Variants in MAPK8 observed in about 807,000 individuals in gnomAD.
MAPK8 encodes mitogen-activated protein kinase 8.
A neutral mutation model predicts 52.9 loss-of-function variants in MAPK8; 13 were observed. The ratio of observed to expected loss-of-function variants is 0.25; its 90% CI spans 0.16 to 0.39. The LOEUF is 0.39. MAPK8 is among the 10% of genes least tolerant of loss of function. The pLI, the probability that MAPK8 is intolerant of heterozygous loss-of-function variation, is 1.00. For missense variants in MAPK8, 300 were observed against 519.2 expected (o/e 0.58, Z 4.10); for synonymous variants, 191 against 169.8 (o/e 1.12, Z -0.97).
At chr10:48,426,323 A>G (rs1391644763) in intron 8 of MAPK8, 57 bp from the exon 9 acceptor site, 4 of 1,462,308 alleles carry the variant, frequency 2.7e-6, no homozygotes, top group Admixed American at 2.5e-5. Context: ...GCTGAAAGTT[A>G]TTAATAATTT....
At chr10:48,370,555 G>A (rs550445293) in intron 1 of MAPK8, among the ~76,000 whole-genome samples, 25 of 152,130 alleles carry the variant, frequency 1.6e-4, no homozygotes, top group Non-Finnish European at 3.5e-4. Context: ...GTTGTTAAAG[G>A]CCTAGAGGTC....
chr10:48,348,744 A>G (rs538261942), intron 1 of MAPK8, among the ~76,000 whole-genome samples: 65 of 152,170 alleles, frequency 4.3e-4, no homozygotes, highest in African/African-American at 1.5e-3. Flanking sequence ...CCATTGGTCT[A>G]TATATCTGTT....
In MAPK8 at chr10:48,428,739, AC is replaced by A. The variant is rs1185451798; in HGVS notation, c.1060+1598del. ...GTACTGAGTATGTATGAAAACATTA[AC>A]CTAATATTTTTACATCCTACTAATT... On this transcript the variant is annotated intron_variant, in intron 10 of 11. Coordinates refer to ENST00000374189, the MANE Select transcript of MAPK8 (RefSeq NM_001323329.2). Among the ~76,000 whole-genome samples the A allele has an allele frequency of 3.9e-5, 6 of 152,354 alleles. No individual in the cohort carries two copies. In the East Asian group the frequency reaches 1.2e-3, roughly 29 times the overall value.
chr10:48,314,859 A>G (rs1842345428), intron 1 of MAPK8, among the ~76,000 whole-genome samples: 1 of 152,248 alleles, frequency 6.6e-6, no homozygotes, highest in South Asian at 2.1e-4. Context: ...GCTGTTTTCC[A>G]TTCTATGGTA....
chr10:48,391,990 G>A (rs566802359), intron 1 of MAPK8, among the ~76,000 whole-genome samples: 1 of 152,254 alleles, frequency 6.6e-6, no homozygotes, highest in African/African-American at 2.4e-5. Flanking sequence ...AATCCTCCAC[G>A]TGTTCAGCTA....
rs1843846256 is a variant in MAPK8, at chr10:48,329,172, T to C, written c.-50+22351T>C. The stretch of plus-strand genomic sequence containing the variant: ...ATACACGAGTGGCAGGGCCAGAGTC[T>C]GAATCCAGACAGTTGGCTCCAGACG... On this transcript the variant is annotated intron_variant, in intron 1 of 11. Transcript: ENST00000374189. Among the ~76,000 whole-genome samples the C allele has an allele frequency of 2.6e-5, 4 of 152,334 alleles. No homozygotes were observed. In the South Asian group the frequency reaches 8.3e-4, roughly 32 times the overall value.
intron 1 of MAPK8, among the ~76,000 whole-genome samples, chr10:48,355,164 A>G (rs1045513242): frequency 3.3e-5 from 5 of 152,204 alleles, no homozygotes; most frequent in African/African-American, 1.2e-4. Context: ...ATTTTTTAAA[A>G]ATAGCTAGAA....
intron 1 of MAPK8, among the ~76,000 whole-genome samples, chr10:48,391,385 G>A (rs2041613460): frequency 6.6e-6 from 1 of 152,104 alleles, no homozygotes; most frequent in Non-Finnish European, 1.5e-5. Flanking sequence ...TTCTAAGTAG[G>A]GAAATGAGTC....
chr10:48,326,530 T>A (rs1843539352), intron 1 of MAPK8, among the ~76,000 whole-genome samples: 4 of 152,228 alleles, frequency 2.6e-5, no homozygotes, highest in Admixed American at 6.5e-5. Context: ...GAAACAAAGA[T>A]CTAGGTGCCC....
chr10:48,366,003 A>G (rs532389963), intron 1 of MAPK8, among the ~76,000 whole-genome samples: 5 of 152,164 alleles, frequency 3.3e-5, no homozygotes, highest in East Asian at 1.9e-4. Flanking sequence ...CTTGATCAGT[A>G]AAGTCCACAG....
intron 2 of MAPK8, 40 bp downstream of exon 2, chr10:48,401,822 A>AC: frequency 1.5e-6 from 2 of 1,365,542 alleles, no homozygotes; most frequent in Middle Eastern, 4.3e-4. Context: ...AGAATCATTA[A>AC]CTGCTACCTT....
At chr10:48,316,127 TTATTTGATGA>T (rs1842474025) in intron 1 of MAPK8, among the ~76,000 whole-genome samples, 1 of 152,262 alleles carries the variant, frequency 6.6e-6, no homozygotes, top group African/African-American at 2.4e-5. Context: ...GCCTTGTGTC[TTATTTGATGA>T]TACAGTCATG....
rs374849531 is a variant in MAPK8, at chr10:48,376,725, G to C, written c.-49-24887G>C. The stretch of plus-strand genomic sequence containing the variant: ...AGAATGGCAATCATTAAAAAATCAG[G>C]AAACAGATGCTGGAGAAATAGGAAC... On this transcript the variant is annotated intron_variant, in intron 1 of 11. Transcript: ENST00000374189. 4.0e-5 allele frequency among the ~76,000 whole-genome samples: 6 copies of C among 151,726 alleles called. No homozygotes were observed. The East Asian group carries it at 1.2e-3, about 29-fold the overall frequency.
chr10:48,400,507 T>A (rs962673552), intron 1 of MAPK8, among the ~76,000 whole-genome samples: 1 of 152,204 alleles, frequency 6.6e-6, no homozygotes, highest in Non-Finnish European at 1.5e-5. Flanking sequence ...CAGTACAATC[T>A]ACATGTCGCA....
intron 1 of MAPK8, among the ~76,000 whole-genome samples, chr10:48,337,542 C>T (rs1844814262): frequency 6.6e-6 from 1 of 152,076 alleles, no homozygotes; most frequent in Admixed American, 6.6e-5. Context: ...CCTAAAGGAA[C>T]TAGCAAAATA....
chr10:48,427,835 C>T (rs1190895319), intron 10 of MAPK8, among the ~76,000 whole-genome samples: 1 of 152,146 alleles, frequency 6.6e-6, no homozygotes, highest in African/African-American at 2.4e-5. Context: ...CACGTATCTG[C>T]CTCTCTTGCT....
chr10:48,351,953 A>T (rs1221070155), intron 1 of MAPK8, among the ~76,000 whole-genome samples: 1 of 152,178 alleles, frequency 6.6e-6, no homozygotes, highest in African/African-American at 2.4e-5. Context: ...CGGATTTCAG[A>T]TTATCAGATT....
In MAPK8 at chr10:48,352,468, A is replaced by G. The variant is rs1472223560; in HGVS notation, c.-50+45647A>G. On this transcript the variant is annotated intron_variant, in intron 1 of 11. Transcript: ENST00000374189. Reference sequence around the variant, plus strand: ...ATTTTGGGAATGCAAGATTGATTCAACATTTGAAAATCTGTCAATGTAATC... The same window carrying G: ...ATTTTGGGAATGCAAGATTGATTCAGCATTTGAAAATCTGTCAATGTAATC... 2.0e-5 allele frequency among the ~76,000 whole-genome samples: 3 copies of G among 152,328 alleles called. No individual in the cohort carries two copies. In the East Asian group the frequency reaches 5.8e-4, roughly 29 times the overall value.
At chr10:48,348,831 GC>G (rs532248415) in intron 1 of MAPK8, among the ~76,000 whole-genome samples, 76 of 151,984 alleles carry the variant, frequency 5.0e-4, no homozygotes, top group African/African-American at 1.8e-3. Context: ...GATGCCTCGA[GC>G]TTTGTTCTTT....
Sources: allele counts gnomAD v4.1 joint callset (sites outside exome capture counted in the v4.1 genomes callset), GRCh38; gene constraint gnomAD v4.1.1; transcripts MANE v1.5; gene names NCBI Gene and HGNC (gene_info 2026-07-23, HGNC 2026-07-21).